Variants in SMYD3 observed in about 807,000 individuals in gnomAD.
The protein encoded by SMYD3 is histone-lysine N-methyltransferase SMYD3.
Under a neutral mutation model 57.7 loss-of-function variants are expected in SMYD3, and 36 were observed. The observed-to-expected ratio is 0.62, with a 90% CI of 0.48 to 0.82. The LOEUF (loss-of-function observed/expected upper bound fraction) is 0.82. Ranked by LOEUF, SMYD3 falls within the 40% of genes least tolerant of loss-of-function variation. SMYD3 has a pLI of 0.00. For missense variants in SMYD3, 515 were observed against 538.8 expected (o/e 0.96, Z 0.44); for synonymous variants, 211 against 195.0 (o/e 1.08, Z -0.68).
chr1:246,260,368 T>C (rs565700462), intron 5 of SMYD3, among the ~76,000 whole-genome samples: 1 of 152,362 alleles, frequency 6.6e-6, no homozygotes, highest in South Asian at 2.1e-4. Context: ...TTGCCAGTGT[T>C]CTGCTCACCA....
chr1:245,967,367 T>G (rs933938113), intron 5 of SMYD3, among the ~76,000 whole-genome samples: 1 of 152,206 alleles, frequency 6.6e-6, no homozygotes, highest in Non-Finnish European at 1.5e-5. Context: ...ATATCCTAAA[T>G]TCAAAATCCT....
At chr1:246,393,348 C>G (rs1331266477) in intron 1 of SMYD3, among the ~76,000 whole-genome samples, 2 of 152,058 alleles carry the variant, frequency 1.3e-5, no homozygotes, top group Non-Finnish European at 2.9e-5. Flanking sequence ...CAGAGGCTGC[C>G]TGATCCCGTG....
At chr1:245,885,100 C>A (rs113808186) in intron 8 of SMYD3, among the ~76,000 whole-genome samples, 1 of 151,956 alleles carries the variant, frequency 6.6e-6, no homozygotes, top group Non-Finnish European at 1.5e-5. Flanking sequence ...CAACTCTGTA[C>A]ACGCCACCTT....
intron 1 of SMYD3, among the ~76,000 whole-genome samples, chr1:246,495,406 A>C (rs2068345003): frequency 1.3e-5 from 2 of 151,430 alleles, no homozygotes; most frequent in African/African-American, 4.9e-5. Context: ...AGACAAATTA[A>C]ATGAGAATCT....
intron 5 of SMYD3, among the ~76,000 whole-genome samples, chr1:245,979,169 AAAG>A (rs565756230): frequency 1.2e-3 from 185 of 152,288 alleles, no homozygotes; most frequent in African/African-American, 4.2e-3. Flanking sequence ...TAGCTTGAAG[AAAG>A]AAGGAGTCAA....
chr1:246,121,542 A>C (rs531139049), intron 5 of SMYD3, among the ~76,000 whole-genome samples: 2 of 152,124 alleles, frequency 1.3e-5, no homozygotes, highest in Admixed American at 6.5e-5. Context: ...AATGAACAGA[A>C]GTTGACTTAA....
intron 1 of SMYD3, among the ~76,000 whole-genome samples, chr1:246,408,516 G>A (rs1432342631): frequency 6.6e-6 from 1 of 152,086 alleles, no homozygotes; most frequent in Non-Finnish European, 1.5e-5. Context: ...GAAAATCAGA[G>A]CTACATGTCC....
At chr1:246,184,108 T>C (rs1003460762) in intron 5 of SMYD3, among the ~76,000 whole-genome samples, 5 of 152,178 alleles carry the variant, frequency 3.3e-5, no homozygotes, top group African/African-American at 1.2e-4. Flanking sequence ...TTTCCCTAAG[T>C]GGCAGTATTC....
At chr1:245,796,284 A>G (rs2047517700) in intron 10 of SMYD3, among the ~76,000 whole-genome samples, 2 of 152,120 alleles carry the variant, frequency 1.3e-5, no homozygotes, top group Non-Finnish European at 2.9e-5. Context: ...ATATAATAAA[A>G]CCTTATTGGG....
chr1:245,791,952 TTG>T lies in SMYD3; in HGVS notation c.1077-27805_1077-27804del, dbSNP rs59018021. Among the ~76,000 whole-genome samples, 939 of 146,078 alleles carry T rather than the reference TTG, an allele frequency of 6.4e-3. 5 individuals are homozygous for T. Among genetic ancestry groups the T allele is most frequent in the Middle Eastern group, 0.038 (11 of 290 alleles). On this transcript the variant is annotated intron_variant, in intron 10 of 11. Coordinates refer to ENST00000490107, the MANE Select transcript of SMYD3 (RefSeq NM_001167740.2). The stretch of plus-strand genomic sequence containing the variant: ...TGTTTTAAACATTCTAATTTTAAAC[TTG>T]TGTGTGTGTGTGTGTGTGTGTGTGT...
rs1345028361 is a variant in SMYD3, at chr1:245,863,486, G to T, written c.901+313C>A. On this transcript the variant is annotated intron_variant, in intron 9 of 11. Transcript: ENST00000490107. ...AGAGATGTTAGTGGTTATGGGAGAA[G>T]AAAATTGAGGAATTTGTTACCTTTT... Among the ~76,000 whole-genome samples the T allele has an allele frequency of 4.6e-5, 7 of 152,302 alleles. No homozygotes were observed. The East Asian group carries it at 1.3e-3, about 29-fold the overall frequency.
chr1:245,815,364 T>C (rs2048744494), intron 10 of SMYD3, among the ~76,000 whole-genome samples: 1 of 152,212 alleles, frequency 6.6e-6, no homozygotes, highest in Non-Finnish European at 1.5e-5. Context: ...TACCATGCTT[T>C]TCCTTCCATC....
intron 5 of SMYD3, among the ~76,000 whole-genome samples, chr1:246,281,430 G>A (rs1225087866): frequency 6.6e-6 from 1 of 152,204 alleles, no homozygotes; most frequent in Admixed American, 6.5e-5. Context: ...AACTCTGTGA[G>A]ATAGGTGATT....
chr1:245,759,906 T>C (rs2045771572), intron 11 of SMYD3, among the ~76,000 whole-genome samples: 1 of 152,170 alleles, frequency 6.6e-6, no homozygotes, highest in Admixed American at 6.5e-5. Flanking sequence ...AAAACAACTC[T>C]GATTAACAAG....
chr1:246,055,177 G>GA (rs1227491034), intron 5 of SMYD3, among the ~76,000 whole-genome samples: 2 of 137,500 alleles, frequency 1.5e-5, no homozygotes, highest in African/African-American at 3.1e-5. Flanking sequence ...CTCTGTCTCA[G>GA]AAAAAAACAA....
At chr1:246,419,017 C>T (rs533766770) in intron 1 of SMYD3, among the ~76,000 whole-genome samples, 5 of 142,148 alleles carry the variant, frequency 3.5e-5, no homozygotes, top group Admixed American at 1.4e-4. Context: ...TGTGACAATA[C>T]CCCCTCCCCG....
intron 1 of SMYD3, among the ~76,000 whole-genome samples, chr1:246,497,651 G>C (rs939598163): frequency 2.6e-5 from 4 of 152,260 alleles, no homozygotes; most frequent in Non-Finnish European, 5.9e-5. Context: ...ATCTCAAAGT[G>C]AGTGGGAGGA....
At chr1:246,234,578 T>C (rs11588843) in intron 5 of SMYD3, among the ~76,000 whole-genome samples, 119 of 138,968 alleles carry the variant, frequency 8.6e-4, no homozygotes, top group African/African-American at 2.0e-3. Context: ...GATGAATATA[T>C]ACCGTATAGG....
intron 10 of SMYD3, among the ~76,000 whole-genome samples, chr1:245,837,571 G>A (rs559468153): frequency 2.0e-5 from 3 of 152,250 alleles, no homozygotes; most frequent in South Asian, 2.1e-4. Flanking sequence ...TGCAACCTTC[G>A]CATTTTTTAT....
Sources: allele counts gnomAD v4.1 joint callset (sites outside exome capture counted in the v4.1 genomes callset), GRCh38; gene constraint gnomAD v4.1.1; transcripts MANE v1.5; gene names NCBI Gene and HGNC (gene_info 2026-07-23, HGNC 2026-07-21).